Variants in ZBED1 observed in about 807,000 individuals in gnomAD.
The protein encoded by ZBED1 is zinc finger BED-type containing 1.
ZBED1 carries 19 observed loss-of-function variants against 49.7 expected under a neutral mutation model. That is an observed-to-expected ratio of 0.38 (90% CI 0.27 to 0.56). ZBED1 has a LOEUF of 0.56. Among genes scored for constraint, ZBED1 ranks in the 20% least tolerant of loss-of-function variants. The probability of loss-of-function intolerance (pLI) is 0.70; values close to 1 mark genes in which losing one functional copy is unlikely to be tolerated. For synonymous variants in ZBED1, 439 were observed against 440.3 expected (o/e 1.00, Z 0.04); for missense variants, 806 against 972.6 (o/e 0.83, Z 2.28).
rs200152606 is a variant in ZBED1 at position 2,488,769 on chromosome X, C to A, written c.1951G>T (p.Ala651Ser). 1.2e-6 allele frequency: 2 copies of A among 1,613,974 alleles called. No homozygotes were observed. Among genetic ancestry groups the A allele is most frequent in the Non-Finnish European group, 1.7e-6 (2 of 1,179,874 alleles). The change falls in exon 2 of 2, where the codon GCC becomes TCC. Residue 651 changes from alanine to serine, a missense_variant. Coordinates refer to ENST00000652001, the MANE Select transcript of ZBED1 (RefSeq NM_001171136.2). Reference sequence around the variant, plus strand: ...GGTTCCGCCTCTGCCCCACTCCGGGCGTTCTCATACAGAAACACCTGCTCG... The same window carrying A: ...GGTTCCGCCTCTGCCCCACTCCGGGAGTTCTCATACAGAAACACCTGCTCG... ...VDEQVFLYEN[A>S]RSGAEAEPED...
intron 1 of ZBED1, chrX:2,500,367 T>C (rs2045386848): frequency 5.7e-6 from 1 of 174,220 alleles, no homozygotes; most frequent in Non-Finnish European, 1.3e-5. Flanking sequence ...CTCCGGGGCC[T>C]GGCGGGGGCG....
chrX:2,493,920 C>T (rs1320995796), intron 1 of ZBED1, among the ~76,000 whole-genome samples: 1 of 151,848 alleles, frequency 6.6e-6, no homozygotes, highest in Non-Finnish European at 1.5e-5. Flanking sequence ...TGCAGTGAGC[C>T]GAGATGGCGC....
At chrX:2,499,110 C>T (rs571084937) in intron 1 of ZBED1, among the ~76,000 whole-genome samples, 12 of 152,074 alleles carry the variant, frequency 7.9e-5, no homozygotes, top group African/African-American at 2.9e-4. Flanking sequence ...CAAAGGGTGG[C>T]GCTGGGACCC....
chrX:2,490,901 G>C (rs1350431622), intron 1 of ZBED1, 129 bp from the exon 2 acceptor site: 1 of 775,076 alleles, frequency 1.3e-6, no homozygotes, highest in Non-Finnish European at 2.1e-6. Flanking sequence ...CGGACGGCTG[G>C]ACCTTCCTTG....
intron 1 of ZBED1, chrX:2,500,343 C>A: frequency 5.4e-6 from 1 of 184,074 alleles, no homozygotes; most frequent in Non-Finnish European, 1.2e-5. Flanking sequence ...GTCCCTGGGA[C>A]GCCCGCTCCT....
chrX:2,488,833 G>A lies in ZBED1; in HGVS notation c.1887C>T (p.Val629=), dbSNP rs768286242. The stretch of plus-strand genomic sequence containing the variant: ...GAGCCAGCCGGTTCCTCTTGGCGCT[G>A]ACCACGTTGGCGGCGGATCCGAAGA... ...ERLFGSAANV[V]SAKRNRLAPA... is the part of the protein sequence containing the mutation. The change falls in exon 2 of 2, where the codon GTC becomes GTT. Residue 629 remains valine, a synonymous_variant. Transcript: ENST00000652001. The A allele has an allele frequency of 1.9e-6, 3 of 1,613,826 alleles. No individual in the cohort carries two copies. Among genetic ancestry groups the A allele is most frequent in the South Asian group, 1.1e-5 (1 of 91,052 alleles).
At position 2,489,487 on chromosome X, in the gene ZBED1, C is replaced by T. The variant is rs2034968630; in HGVS notation, c.1233G>A (p.Leu411=). Residue 411 remains leucine (L), a synonymous_variant, in exon 2 of 2, where the codon CTG becomes CTA. Transcript: ENST00000652001. ...TGATGGTGGGGTACCTGGAGGCCGA[C>T]AGCATCTCGGCCACCTGCTTGAAGG... The part of the protein sequence containing the change: ...LQPFKQVAEM[L]SASRYPTISM... The T allele has an allele frequency of 6.2e-7, 1 of 1,613,664 alleles. No individual in the cohort carries two copies. The highest frequency in any genetic ancestry group is 2.2e-5 in the East Asian group (1 of 44,864).
intron 1 of ZBED1, 53 bp downstream of exon 1, chrX:2,500,757 CGAGCCAG>C: frequency 1.1e-6 from 1 of 876,034 alleles, no homozygotes; most frequent in Non-Finnish European, 1.4e-6. Flanking sequence ...CCCCCGCCCC[CGAGCCAG>C]CCCGCGCCCA....
chrX:2,498,625 G>GA (rs10624636), intron 1 of ZBED1, among the ~76,000 whole-genome samples: 33,767 of 128,646 alleles, frequency 0.26, 4,355 homozygotes, highest in South Asian at 0.32. Flanking sequence ...CAGTAAATGG[G>GA]AAAAAAAAAA....
chrX:2,486,600 G>C lies in ZBED1; in HGVS notation c.*2035C>G, dbSNP rs999674635. 19 of 152,220 alleles carry C rather than the reference G, an allele frequency of 1.2e-4. No individual in the cohort carries two copies. The highest frequency in any genetic ancestry group is 4.3e-4 in the African/African-American group (18 of 41,458). 9.4% of individuals were successfully genotyped at this position (152,220 alleles called of 1,614,324 possible). A position where few individuals can be genotyped will look rare whatever the true frequency, so the allele number is the denominator to read the frequency against. On this transcript the variant is annotated 3_prime_UTR_variant, in exon 2 of 2. Coordinates refer to ENST00000652001, the MANE Select transcript of ZBED1 (RefSeq NM_001171136.2). ...AGCGAAGGATTGTTAGAGACGTGAAGAGAACGCTGGCAATGCTACAGAATG... is the reference window on the plus strand; with the variant it reads ...AGCGAAGGATTGTTAGAGACGTGAACAGAACGCTGGCAATGCTACAGAATG...
chrX:2,490,913 G>A (rs1281655951), intron 1 of ZBED1, 141 bp from the exon 2 acceptor site: 15 of 706,818 alleles, frequency 2.1e-5, no homozygotes, highest in South Asian at 3.7e-5. Flanking sequence ...CCTTCCTTGC[G>A]GGTCACTTTT....
Position 2,490,118 on chromosome X carries a change from C to CA in ZBED1, c.601dup (p.Trp201LeufsTer4). ...GGCGCGGTTCTGATTCTCACTCCTC[C>CA]ACATGTCGGTGGAGATGCCACACCA... On this transcript the variant is annotated frameshift_variant, in exon 2 of 2. Transcript: ENST00000652001. LOFTEE classifies it high-confidence loss of function. 1 of 1,613,946 alleles carries CA rather than the reference C, an allele frequency of 6.2e-7. No individual in the cohort carries two copies. The highest frequency in any genetic ancestry group is 8.5e-7 in the Non-Finnish European group (1 of 1,179,874).
intron 1 of ZBED1, among the ~76,000 whole-genome samples, chrX:2,496,331 T>C (rs1465980239): frequency 6.6e-6 from 1 of 152,176 alleles, no homozygotes; most frequent in Non-Finnish European, 1.5e-5. Flanking sequence ...CCCAAGTAGC[T>C]GGGACTACAG....
At position 2,489,337 on chromosome X, in the gene ZBED1, C is replaced by T. The variant is rs145382380; in HGVS notation, c.1383G>A (p.Glu461=). 1.5e-5 allele frequency: 24 copies of T among 1,613,826 alleles called. No homozygotes were observed. The highest frequency in any genetic ancestry group is 4.0e-5 in the African/African-American group (3 of 74,924). The change falls in exon 2 of 2, where the codon GAG becomes GAA. Residue 461 remains glutamate (E), a synonymous_variant. Coordinates refer to ENST00000652001, the MANE Select transcript of ZBED1 (RefSeq NM_001171136.2). ...IAKELSKTYQ[E]TPEIDMFLNV... ...TGAGAAACATGTCGATCTCGGGCGT[C>T]TCCTGGTAGGTCTTGGAAAGCTCCT...
At position 2,500,966 on chromosome X, in the gene ZBED1, C is replaced by T. The variant is rs1471784909; in HGVS notation, c.-203G>A. The T allele has an allele frequency of 1.5e-5, 15 of 981,344 alleles. No individual in the cohort carries two copies. The highest frequency in any genetic ancestry group is 1.8e-5 in the Non-Finnish European group (15 of 819,756). The allele number at this position is 981,344 out of a possible 1,614,324, so 60.8% of individuals were successfully genotyped here. Reference sequence around the variant, plus strand: ...GCCGCCGCCGCTTCCGCGCCGCCCGCGGGACTCTGCGCCCGCCCGCCCGGA... The same window carrying T: ...GCCGCCGCCGCTTCCGCGCCGCCCGTGGGACTCTGCGCCCGCCCGCCCGGA... On this transcript the variant is annotated 5_prime_UTR_variant, in exon 1 of 2. Coordinates refer to ENST00000652001, the MANE Select transcript of ZBED1 (RefSeq NM_001171136.2).
At position 2,489,503 on chromosome X, in the gene ZBED1, T is replaced by C; in HGVS notation, c.1217A>G (p.Gln406Arg). ...GGAGGCCGACAGCATCTCGGCCACC[T>C]GCTTGAAGGGCTGCAGGAGCTCCAC... ...GLVELLQPFK[Q>R]VAEMLSASRY... The change falls in exon 2 of 2, where the codon CAG becomes CGG. Residue 406 changes from glutamine to arginine, a missense_variant. Coordinates refer to ENST00000652001, the MANE Select transcript of ZBED1 (RefSeq NM_001171136.2). The C allele has an allele frequency of 6.2e-7, 1 of 1,613,394 alleles. No individual in the cohort carries two copies. Among genetic ancestry groups the C allele is most frequent in the Non-Finnish European group, 8.5e-7 (1 of 1,179,840 alleles).
At chrX:2,498,577 A>C (rs1352316091) in intron 1 of ZBED1, among the ~76,000 whole-genome samples, 2 of 151,230 alleles carry the variant, frequency 1.3e-5, no homozygotes, top group Admixed American at 1.3e-4. Flanking sequence ...CTTCACCAGA[A>C]GCTCGTCCTC....
chrX:2,491,156 G>A lies in ZBED1; in HGVS notation c.-53-384C>T, dbSNP rs189660078. 3.0e-3 allele frequency among the ~76,000 whole-genome samples: 432 copies of A among 141,928 alleles called. 4 individuals are homozygous for A. In the South Asian group the frequency reaches 0.031, roughly 10 times the overall value. The allele number at this position is 141,928 out of a possible 152,430, so 93.1% of individuals were successfully genotyped here. ...GTGATCTCAGCTCACTGCAACCTCC[G>A]CCTCCCGGGTTCAAGCGATCTTCCT... On this transcript the variant is annotated intron_variant, in intron 1 of 1. Coordinates refer to ENST00000652001, the MANE Select transcript of ZBED1 (RefSeq NM_001171136.2).
rs1290486273 is a variant in ZBED1 at position 2,488,658 on chromosome X, T to C, written c.2062A>G (p.Ile688Val). The C allele has an allele frequency of 1.2e-6, 2 of 1,609,924 alleles. No homozygotes were observed. The highest frequency in any genetic ancestry group is 1.7e-5 in the Admixed American group (1 of 59,068). Residue 688 changes from isoleucine to valine, a missense_variant, in exon 2 of 2, where the codon ATT (isoleucine) becomes GTT (valine). Coordinates refer to ENST00000652001, the MANE Select transcript of ZBED1 (RefSeq NM_001171136.2). ...CGCTACAGGAAGCTGCTGTCCCTAA[T>C]GCCAAAGAAACCGCCGCTGACGCCA... is the stretch of plus-strand genomic sequence containing the variant. ...GDGVSGGFFG[I>V]RDSSFL is the part of the protein sequence containing the mutation.
Sources: allele counts gnomAD v4.1 joint callset (sites outside exome capture counted in the v4.1 genomes callset), GRCh38; gene constraint gnomAD v4.1.1; transcripts MANE v1.5; gene names NCBI Gene and HGNC (gene_info 2026-07-23, HGNC 2026-07-21).